SRSF1: variants seen among roughly 807,000 people sequenced by gnomAD.
SRSF1 encodes the protein serine and arginine rich splicing factor 1, also known as serine/arginine-rich splicing factor 1.
SRSF1 carries 1 observed loss-of-function variant against 25.9 expected under a neutral mutation model. The ratio of observed to expected loss-of-function variants is 0.04; its 90% CI spans 0.01 to 0.18. The LOEUF (loss-of-function observed/expected upper bound fraction) is 0.18, where lower values mean the gene tolerates loss of function less well. Ranked by LOEUF, SRSF1 falls within the 10% of genes least tolerant of loss-of-function variation. The probability of loss-of-function intolerance (pLI) is 1.00; values close to 1 mark genes in which losing one functional copy is unlikely to be tolerated. For missense variants in SRSF1, 65 were observed against 350.5 expected (o/e 0.19, Z 6.50); for synonymous variants, 132 against 126.2 (o/e 1.05, Z -0.31).
At chr17:58,006,701 C>A in intron 1 of SRSF1, 174 bp from the exon 2 acceptor site, 1 of 905,854 alleles carries the variant, frequency 1.1e-6, no homozygotes, top group Non-Finnish European at 1.6e-6. Context: ...CCAACCACTA[C>A]ACCAGCCCTC....
the SRSF1 span, chr17:57,992,098 A>C: frequency 6.6e-6 from 1 of 152,368 alleles, no homozygotes; most frequent in South Asian, 2.1e-4. Context: ...GAAGGACACC[A>C]GCAAAAATCA....
chr17:58,007,202 G>T lies in SRSF1; in HGVS notation c.-65C>A. 1 of 1,581,200 alleles carries T rather than the reference G, an allele frequency of 6.3e-7. No homozygotes were observed. Among genetic ancestry groups the T allele is most frequent in the Non-Finnish European group, 8.6e-7 (1 of 1,159,860 alleles). ...CACCAAGCCTAGCGCACGGCAGAGC[G>T]AGCCCGCAGCGGCACCACGTCTCCC... is the stretch of plus-strand genomic sequence containing the variant. On this transcript the variant is annotated 5_prime_UTR_variant, in exon 1 of 4. Transcript: ENST00000258962.
the SRSF1 span, among the ~76,000 whole-genome samples, chr17:57,995,320 A>G: frequency 8.5e-5 from 13 of 152,172 alleles, no homozygotes; most frequent in Non-Finnish European, 1.8e-4. Flanking sequence ...GTTCTTTTCT[A>G]TGATTTTTTT....
Position 58,005,343 on chromosome 17 carries a change from A to G in SRSF1, c.*63T>C. On this transcript the variant is annotated 3_prime_UTR_variant, in exon 4 of 4. Transcript: ENST00000258962. This position sits in a 1 kb window ranked among gnomAD's most constrained non-coding sequence, Gnocchi z 5.2. ...ACAGTTTGAATTAAAAAATGAAAAG[A>G]TTGTACTGAATAAAGGAAAACTGTA... 1 of 1,558,630 alleles carries G rather than the reference A, an allele frequency of 6.4e-7. No individual in the cohort carries two copies.
At chr17:57,997,972 T>C (rs2075371429), downstream of SRSF1, among the ~76,000 whole-genome samples, 1 of 152,136 alleles carries the variant, frequency 6.6e-6, no homozygotes, top group South Asian at 2.1e-4. Flanking sequence ...CCCAGCACTT[T>C]GGGAGGCCGA....
chr17:58,006,150 C>G (rs1341358240), intron 2 of SRSF1, 177 bp from the exon 3 acceptor site: 20 of 950,244 alleles, frequency 2.1e-5, no homozygotes, highest in Non-Finnish European at 2.6e-5. Context: ...TTGTAACGAT[C>G]TTCGTATCTA....
chr17:58,003,067 CT>C lies in SRSF1; in HGVS notation c.*2338del, dbSNP rs34361648. ...GCTGATGTTAACATTTAATACTTAC[CT>C]TTTTTTGAGATGAGTTTCATTGAGA... On this transcript the variant is annotated 3_prime_UTR_variant, in exon 4 of 4. Coordinates refer to ENST00000258962, the MANE Select transcript of SRSF1 (RefSeq NM_006924.5). Among the ~76,000 whole-genome samples, 1 of 152,168 alleles carries C rather than the reference CT, an allele frequency of 6.6e-6. No homozygotes were observed. Among genetic ancestry groups the C allele is most frequent in the African/African-American group, 2.4e-5 (1 of 41,536 alleles).
rs2075413501 is a variant in SRSF1 at position 58,004,460 on chromosome 17, C to G, written c.*946G>C. On this transcript the variant is annotated 3_prime_UTR_variant, in exon 4 of 4. Coordinates refer to ENST00000258962, the MANE Select transcript of SRSF1 (RefSeq NM_006924.5). ...AGTATTCCCAACTAGATTATCTACACCAATACATTGGAACTCTATATTTTG... is the reference window on the plus strand; with the variant it reads ...AGTATTCCCAACTAGATTATCTACAGCAATACATTGGAACTCTATATTTTG... 1 of 152,686 alleles carries G rather than the reference C, an allele frequency of 6.5e-6. No homozygotes were observed. The highest frequency in any genetic ancestry group is 1.5e-5 in the Non-Finnish European group (1 of 68,138). 9.5% of individuals were successfully genotyped at this position (152,686 alleles called of 1,614,324 possible).
At chr17:58,006,849 G>T in intron 1 of SRSF1, 95 bp downstream of exon 1, 3 of 1,437,744 alleles carry the variant, frequency 2.1e-6, no homozygotes, top group Non-Finnish European at 9.6e-7. Flanking sequence ...CTCTCTAAGA[G>T]CCCCCGCTTC....
downstream of SRSF1, among the ~76,000 whole-genome samples, chr17:57,996,198 T>TG: frequency 6.6e-6 from 1 of 151,946 alleles, no homozygotes; most frequent in East Asian, 1.9e-4. Flanking sequence ...CATAAGACTT[T>TG]GGGGAGCCGG....
At chr17:58,006,760 C>G in intron 1 of SRSF1, 184 bp downstream of exon 1, 1 of 902,930 alleles carries the variant, frequency 1.1e-6, no homozygotes, top group Non-Finnish European at 1.6e-6. Context: ...CGGGGACGTC[C>G]AAGGCGAGGC....
chr17:57,989,055 T>C, the SRSF1 span: 22 of 395,736 alleles, frequency 5.6e-5, no homozygotes, highest in East Asian at 7.5e-4. Context: ...GACAAATTAT[T>C]TTAGTCCTTT....
At position 58,005,332 on chromosome 17, in the gene SRSF1, AAAATG is replaced by A; in HGVS notation, c.*69_*73del. ...TTCTGAACAAAACAGTTTGAATTAAAAAATGAAAAGATTGTACTGAATAAAGGAAA... is the reference window on the plus strand; with the variant it reads ...TTCTGAACAAAACAGTTTGAATTAAAAAAAGATTGTACTGAATAAAGGAAA... On this transcript the variant is annotated 3_prime_UTR_variant, in exon 4 of 4. Transcript: ENST00000258962. The surrounding 1 kb of genome is among the most constrained non-coding windows in gnomAD (Gnocchi z 5.2). 3.3e-6 allele frequency: 5 copies of A among 1,529,966 alleles called. No homozygotes were observed. Among genetic ancestry groups the A allele is most frequent in the Non-Finnish European group, 4.5e-6 (5 of 1,121,756 alleles). The allele number at this position is 1,529,966 out of a possible 1,614,324, so 94.8% of individuals were successfully genotyped here. A position where few individuals can be genotyped will look rare whatever the true frequency, so the allele number is the denominator to read the frequency against.
intron 1 of SRSF1, 181 bp from the exon 2 acceptor site, chr17:58,006,708 C>T (rs2075431529): frequency 3.4e-6 from 3 of 885,614 alleles, no homozygotes; most frequent in Non-Finnish European, 3.3e-6. Flanking sequence ...CTACACCAGC[C>T]CTCAGCGCCT....
downstream of SRSF1, among the ~76,000 whole-genome samples, chr17:57,996,487 A>AAAAAAAAAC (rs2075365404): frequency 1.3e-5 from 2 of 150,152 alleles, no homozygotes; most frequent in Non-Finnish European, 1.5e-5. Flanking sequence ...CTGTCTTAAA[A>AAAAAAAAAC]AAAAAAAAAA....
the SRSF1 span, chr17:57,990,722 T>C: frequency 2.0e-5 from 3 of 152,162 alleles, no homozygotes; most frequent in Non-Finnish European, 4.4e-5. Flanking sequence ...TTTCGGTGAG[T>C]GAGTAAATGG....
At position 58,007,228 on chromosome 17, in the gene SRSF1, G is replaced by GCGGCCC. The variant is rs1304449976; in HGVS notation, c.-97_-92dup. On this transcript the variant is annotated 5_prime_UTR_variant, in exon 1 of 4. Coordinates refer to ENST00000258962, the MANE Select transcript of SRSF1 (RefSeq NM_006924.5). ...AGCCCGCAGCGGCACCACGTCTCCC[G>GCGGCCC]CGGCCCCTCCAAAATGGCGCCTTTA... 10 of 1,483,248 alleles carry GCGGCCC rather than the reference G, an allele frequency of 6.7e-6. No homozygotes were observed. In the Admixed American group the frequency reaches 1.9e-4, roughly 28 times the overall value. 91.9% of individuals were successfully genotyped at this position (1,483,248 alleles called of 1,614,324 possible).
rs775395791 is a variant in SRSF1 at position 58,007,183 on chromosome 17, G to A, written c.-46C>T. 1 of 1,606,256 alleles carries A rather than the reference G, an allele frequency of 6.2e-7. No individual in the cohort carries two copies. The highest frequency in any genetic ancestry group is 8.5e-7 in the Non-Finnish European group (1 of 1,175,876). On this transcript the variant is annotated 5_prime_UTR_variant, in exon 1 of 4. Transcript: ENST00000258962. ...ACTCGAGAACAGGCCTTCCCACCAA[G>A]CCTAGCGCACGGCAGAGCGAGCCCG...
downstream of SRSF1, among the ~76,000 whole-genome samples, chr17:58,000,280 T>G (rs1204698086): frequency 6.6e-6 from 1 of 152,160 alleles, no homozygotes; most frequent in Non-Finnish European, 1.5e-5. Context: ...AAGTACTGGT[T>G]TAAGTATACT....
Sources: allele counts gnomAD v4.1 joint callset (sites outside exome capture counted in the v4.1 genomes callset), GRCh38; gene constraint gnomAD v4.1.1; non-coding constraint Gnocchi (gnomAD v3.1); transcripts MANE v1.5; gene names NCBI Gene and HGNC (gene_info 2026-07-23, HGNC 2026-07-21).